Variants in STXBP5 observed in about 807,000 individuals in gnomAD.
STXBP5 encodes the protein syntaxin-binding protein 5.
STXBP5 carries 50 observed loss-of-function variants against 152.4 expected under a neutral mutation model. The observed-to-expected ratio is 0.33, with a 90% confidence interval of 0.26 to 0.42. The LOEUF (loss-of-function observed/expected upper bound fraction) is 0.42. STXBP5 is among the 10% of genes least tolerant of loss of function. STXBP5 has a pLI of 1.00. For missense variants in STXBP5, 1,167 were observed against 1,388.6 expected (o/e 0.84, Z 2.54); for synonymous variants, 492 against 494.7 (o/e 0.99, Z 0.07).
At chr6:147,306,802 A>G (rs1313808007) in intron 9 of STXBP5, among the ~76,000 whole-genome samples, 1 of 152,086 alleles carries the variant, frequency 6.6e-6, no homozygotes, top group Non-Finnish European at 1.5e-5. Flanking sequence ...CCCAACTGCC[A>G]TCCCTTCTGG....
chr6:147,249,202 A>G (rs1416126512), intron 4 of STXBP5, among the ~76,000 whole-genome samples: 2 of 152,142 alleles, frequency 1.3e-5, no homozygotes, highest in African/African-American at 2.4e-5. Context: ...GAAATAATAA[A>G]TGGGTATTCT....
At chr6:147,294,980 C>T (rs1175968596) in intron 9 of STXBP5, among the ~76,000 whole-genome samples, 1 of 152,112 alleles carries the variant, frequency 6.6e-6, no homozygotes, top group East Asian at 1.9e-4. Flanking sequence ...GTCCAAATCC[C>T]AGTTCTGCCA....
intron 4 of STXBP5, among the ~76,000 whole-genome samples, chr6:147,240,155 T>C (rs1183121494): frequency 6.6e-6 from 1 of 152,150 alleles, no homozygotes; most frequent in East Asian, 1.9e-4. Context: ...TTGGCCAGGC[T>C]GGTCTCGAAC....
At chr6:147,323,922 T>C (rs1783070716) in intron 16 of STXBP5, among the ~76,000 whole-genome samples, 1 of 152,148 alleles carries the variant, frequency 6.6e-6, no homozygotes, top group Non-Finnish European at 1.5e-5. Flanking sequence ...GAAGACCCTC[T>C]AAAGTCTGGC....
At chr6:147,324,400 G>A (rs1279806081) in intron 16 of STXBP5, among the ~76,000 whole-genome samples, 2 of 150,264 alleles carry the variant, frequency 1.3e-5, no homozygotes, top group Non-Finnish European at 3.0e-5. Flanking sequence ...AGCCTCCAGA[G>A]TAGCTGGGAC....
chr6:147,324,825 A>G (rs757540429), intron 16 of STXBP5, 134 bp from the exon 17 acceptor site: 8 of 841,578 alleles, frequency 9.5e-6, no homozygotes, highest in Non-Finnish European at 1.3e-5. Context: ...ACTAGGTTAA[A>G]TGCTTCTAGA....
At chr6:147,242,674 T>A (rs544360839) in intron 4 of STXBP5, among the ~76,000 whole-genome samples, 2 of 152,354 alleles carry the variant, frequency 1.3e-5, no homozygotes, top group East Asian at 3.9e-4. Flanking sequence ...AGTAACATGC[T>A]TTCCAGGTTT....
chr6:147,266,988 C>A, intron 6 of STXBP5, 96 bp from the exon 7 acceptor site: 2 of 986,930 alleles, frequency 2.0e-6, no homozygotes, highest in Non-Finnish European at 3.1e-6. Flanking sequence ...TTATACTCAA[C>A]GCATTTGAAT....
At chr6:147,263,840 T>G (rs188907001) in intron 6 of STXBP5, among the ~76,000 whole-genome samples, 113 of 152,128 alleles carry the variant, frequency 7.4e-4, no homozygotes, top group Non-Finnish European at 1.1e-3. Context: ...TTCACATTTA[T>G]TAGTACTTTA....
intron 4 of STXBP5, among the ~76,000 whole-genome samples, chr6:147,253,457 G>A (rs1562440686): frequency 6.6e-6 from 1 of 152,154 alleles, no homozygotes; most frequent in African/African-American, 2.4e-5. Flanking sequence ...TCTGGCCGAG[G>A]CAGTCAGGCA....
intron 16 of STXBP5, 94 bp from the exon 17 acceptor site, chr6:147,324,865 G>A (rs1052271072): frequency 2.0e-5 from 22 of 1,084,264 alleles, no homozygotes; most frequent in Middle Eastern, 3.2e-4. Flanking sequence ...ATATATTTAA[G>A]TATCTAGTAT....
chr6:147,327,594 A>G (rs1783332220), intron 18 of STXBP5, among the ~76,000 whole-genome samples: 1 of 152,096 alleles, frequency 6.6e-6, no homozygotes, highest in East Asian at 1.9e-4. Context: ...GGCACATGCC[A>G]CCATACCCAG....
chr6:147,333,518 C>A (rs965544110), intron 18 of STXBP5, among the ~76,000 whole-genome samples: 2 of 152,070 alleles, frequency 1.3e-5, no homozygotes, highest in Non-Finnish European at 2.9e-5. Flanking sequence ...AGGGAAACTC[C>A]GTCATAAAAA....
intron 26 of STXBP5, among the ~76,000 whole-genome samples, chr6:147,374,467 AT>A (rs1261798795): frequency 6.6e-6 from 1 of 152,178 alleles, no homozygotes; most frequent in East Asian, 1.9e-4. Flanking sequence ...GTTCAATGAA[AT>A]TTTTTTAAAC....
At chr6:147,259,128 A>G (rs749987720) in intron 4 of STXBP5, among the ~76,000 whole-genome samples, 3 of 152,204 alleles carry the variant, frequency 2.0e-5, no homozygotes, top group Admixed American at 1.3e-4. Context: ...AAAAAAATAT[A>G]TGAGTCATTC....
intron 3 of STXBP5, among the ~76,000 whole-genome samples, chr6:147,238,817 C>T (rs1025585476): frequency 1.3e-5 from 2 of 152,090 alleles, no homozygotes; most frequent in African/African-American, 2.4e-5. Context: ...TTTTGCTCTG[C>T]TAATCAAGGA....
chr6:147,294,289 A>C (rs1332530847), intron 9 of STXBP5, among the ~76,000 whole-genome samples: 3 of 151,900 alleles, frequency 2.0e-5, no homozygotes, highest in Non-Finnish European at 4.4e-5. Context: ...TCAGGTGTTT[A>C]CTCATTATGT....
chr6:147,207,318 A>G (rs1345638634), intron 2 of STXBP5, among the ~76,000 whole-genome samples: 1 of 152,188 alleles, frequency 6.6e-6, no homozygotes. Context: ...AGGATGGACT[A>G]TTGAACTGTG....
intron 2 of STXBP5, 88 bp from the exon 3 acceptor site, chr6:147,235,162 A>G (rs1348918004): frequency 6.2e-6 from 7 of 1,125,408 alleles, no homozygotes; most frequent in Middle Eastern, 4.0e-4. Flanking sequence ...ATATGAGGTC[A>G]TTGGAATATT....
Sources: gnomAD v4.1 joint callset for allele counts (sites outside exome capture counted in the v4.1 genomes callset) on GRCh38, gnomAD v4.1.1 for gene constraint, MANE v1.5 for transcripts, NCBI Gene and HGNC (gene_info 2026-07-23, HGNC 2026-07-21) for gene names.